The following RPL22 variants were observed in gnomAD, a reference collection of about 807,000 sequenced individuals.
RPL22 encodes large ribosomal subunit protein eL22.
RPL22 carries 4 observed loss-of-function variants against 16.2 expected under a neutral mutation model. The ratio of observed to expected loss-of-function variants is 0.25; its 90% CI spans 0.12 to 0.57. RPL22 has a LOEUF of 0.57. RPL22 is among the 20% of genes least tolerant of loss of function. The pLI is 0.92. For synonymous variants in RPL22, 43 were observed against 54.8 expected (o/e 0.78, Z 0.95); for missense variants, 83 against 156.1 (o/e 0.53, Z 2.49).
intron 3 of RPL22, among the ~76,000 whole-genome samples, chr1:6,189,556 C>CT (rs1161434750): frequency 7.5e-6 from 1 of 133,408 alleles, no homozygotes; most frequent in African/African-American, 3.0e-5. Flanking sequence ...AAGACCCTAT[C>CT]TAAAAAAAAG....
chr1:6,199,393 TACA>T, intron 1 of RPL22, 166 bp downstream of exon 1: 4 of 1,349,788 alleles, frequency 3.0e-6, no homozygotes, highest in Non-Finnish European at 3.8e-6. Flanking sequence ...CTCCTCCGCC[TACA>T]ACGTGCTGGG....
chr1:6,197,314 G>GCCACCGTGCCTGGCTTGTTTCTGGGTAAC (rs1667733094), intron 2 of RPL22, among the ~76,000 whole-genome samples: 1 of 152,188 alleles, frequency 6.6e-6, no homozygotes, highest in Non-Finnish European at 1.5e-5. Context: ...ACGGGCGTGA[G>GCCACCGTGCCTGGCTTGTTTCTGGGTAAC]CCACCGTGCC....
At chr1:6,193,653 G>A (rs1308991713) in intron 2 of RPL22, among the ~76,000 whole-genome samples, 8 of 150,450 alleles carry the variant, frequency 5.3e-5, no homozygotes, top group Non-Finnish European at 8.9e-5. Context: ...GTCTCTCTAT[G>A]TTGGCTAGAT....
rs773757515 is a variant in RPL22, at chr1:6,193,066, A to AT, written c.118-13dup. ...TGCAAAAACTGCTCCTGTAGAAATC[A>AT]TTAAATTGACCAATGAAGTGACAAG... On this transcript the variant is annotated splice_polypyrimidine_tract_variant and intron_variant, in intron 2 of 3. Coordinates refer to ENST00000234875, the MANE Select transcript of RPL22 (RefSeq NM_000983.4). 6.2e-7 allele frequency: 1 copy of AT among 1,613,796 alleles called. No homozygotes were observed. The highest frequency in any genetic ancestry group is 8.5e-7 in the Non-Finnish European group (1 of 1,179,954).
chr1:6,197,328 C>T (rs1209095852), intron 2 of RPL22, among the ~76,000 whole-genome samples: 2 of 152,216 alleles, frequency 1.3e-5, no homozygotes, highest in East Asian at 3.8e-4. Flanking sequence ...CCGTGCCTGG[C>T]TTGTTTCTGG....
intron 3 of RPL22, among the ~76,000 whole-genome samples, chr1:6,189,254 A>T (rs1456860248): frequency 6.6e-6 from 1 of 152,232 alleles, no homozygotes; most frequent in Admixed American, 6.5e-5. Context: ...CAATCGCCAC[A>T]AAGTGTGAAG....
At chr1:6,187,772 A>G (rs911535628) in intron 3 of RPL22, among the ~76,000 whole-genome samples, 1 of 152,252 alleles carries the variant, frequency 6.6e-6, no homozygotes, top group African/African-American at 2.4e-5. Flanking sequence ...CGCAACCTCA[A>G]TACCTTTTAT....
In RPL22 at chr1:6,199,458, G is replaced by C; in HGVS notation, c.12+104C>G. 3 of 1,489,574 alleles carry C rather than the reference G, an allele frequency of 2.0e-6. No individual in the cohort carries two copies. The South Asian group carries it at 3.9e-5, about 19-fold the overall frequency. 92.3% of individuals were successfully genotyped at this position (1,489,574 alleles called of 1,614,324 possible). On this transcript the variant is annotated intron_variant, in intron 1 of 3. Coordinates refer to ENST00000234875, the MANE Select transcript of RPL22 (RefSeq NM_000983.4). ...GCCGACCTGCCAGCCCACCCCAGCA[G>C]GACGCTGCAGGGCGCCGTCCCCAGC...
rs886738955 is a variant in RPL22 at position 6,185,584 on chromosome 1, A to G, written c.*1088T>C. On this transcript the variant is annotated 3_prime_UTR_variant, in exon 4 of 4. Coordinates refer to ENST00000234875, the MANE Select transcript of RPL22 (RefSeq NM_000983.4). ...CAAGTGTGGAAACCATCTGTAGGCA[A>G]GCTCTTTTAAAAACATGAATTTTAG... 1 of 390,044 alleles carries G rather than the reference A, an allele frequency of 2.6e-6. No individual in the cohort carries two copies. The highest frequency in any genetic ancestry group is 2.1e-5 in the African/African-American group (1 of 48,468). The allele number at this position is 390,044 out of a possible 1,614,324, so 24.2% of individuals were successfully genotyped here. A position where few individuals can be genotyped will look rare whatever the true frequency, so the allele number is the denominator to read the frequency against.
rs1187568827 is a variant in RPL22 at position 6,195,413 on chromosome 1, C to G, written c.117+2239G>C. Among the ~76,000 whole-genome samples the G allele has an allele frequency of 7.3e-5, 11 of 151,036 alleles. 1 individual carries two copies. The highest frequency in any genetic ancestry group is 7.3e-4 in the Admixed American group (11 of 15,150). The stretch of plus-strand genomic sequence containing the variant: ...TGAGCCGAGATCACACCACTGCACT[C>G]CAGCCTGGGTGACAAAGAGCAAGAC... On this transcript the variant is annotated intron_variant, in intron 2 of 3. Coordinates refer to ENST00000234875, the MANE Select transcript of RPL22 (RefSeq NM_000983.4).
At chr1:6,188,057 CTCTTTTAT>C (rs1667604396) in intron 3 of RPL22, among the ~76,000 whole-genome samples, 1 of 152,134 alleles carries the variant, frequency 6.6e-6, no homozygotes, top group Non-Finnish European at 1.5e-5. Context: ...CATTTAAAAA[CTCTTTTAT>C]TTATTTTTTT....
At chr1:6,197,083 G>A (rs1667729923) in intron 2 of RPL22, among the ~76,000 whole-genome samples, 1 of 152,240 alleles carries the variant, frequency 6.6e-6, no homozygotes, top group Non-Finnish European at 1.5e-5. Context: ...AGGATGGAGT[G>A]CAATGGTGCG....
chr1:6,194,956 G>A (rs916221934), intron 2 of RPL22, among the ~76,000 whole-genome samples: 5 of 152,136 alleles, frequency 3.3e-5, no homozygotes, highest in Admixed American at 1.3e-4. Context: ...GGCTAACATG[G>A]TGAAACCCTG....
At chr1:6,193,671 A>C (rs993662834) in intron 2 of RPL22, among the ~76,000 whole-genome samples, 8 of 147,960 alleles carry the variant, frequency 5.4e-5, no homozygotes, top group South Asian at 2.2e-4. Context: ...GATTGGTCTC[A>C]AATTCCTGGG....
In RPL22 at chr1:6,185,991, G is replaced by A. The variant is rs1328909858; in HGVS notation, c.*681C>T. 8.7e-6 allele frequency: 2 copies of A among 230,460 alleles called. No homozygotes were observed. Among genetic ancestry groups the A allele is most frequent in the Non-Finnish European group, 1.7e-5 (2 of 116,320 alleles). 14.3% of individuals were successfully genotyped at this position (230,460 alleles called of 1,614,324 possible). On this transcript the variant is annotated 3_prime_UTR_variant, in exon 4 of 4. Coordinates refer to ENST00000234875, the MANE Select transcript of RPL22 (RefSeq NM_000983.4). ...TCCTACAGCTCCCTCTGCTGGAGAC[G>A]AAAGTGACAGTTTGTTGCAAAGACC...
intron 3 of RPL22, among the ~76,000 whole-genome samples, chr1:6,188,235 A>G (rs187155122): frequency 6.6e-4 from 101 of 152,202 alleles, no homozygotes; most frequent in African/African-American, 2.3e-3. Context: ...GTTTTGCCAT[A>G]TTGGCCAGTC....
At chr1:6,193,820 T>G (rs976594481) in intron 2 of RPL22, among the ~76,000 whole-genome samples, 1 of 152,170 alleles carries the variant, frequency 6.6e-6, no homozygotes, top group Non-Finnish European at 1.5e-5. Context: ...ATACATACTA[T>G]GAGACAACAT....
At chr1:6,190,560 A>G (rs1038574101) in intron 3 of RPL22, among the ~76,000 whole-genome samples, 3 of 152,170 alleles carry the variant, frequency 2.0e-5, no homozygotes, top group African/African-American at 7.2e-5. Context: ...TTGTATTTTT[A>G]GTAGAAACGG....
chr1:6,193,760 G>A (rs1667682741), intron 2 of RPL22, among the ~76,000 whole-genome samples: 1 of 152,128 alleles, frequency 6.6e-6, no homozygotes, highest in African/African-American at 2.4e-5. Flanking sequence ...CCTAATATCG[G>A]TTTCTTAAAT....
Sources: gnomAD v4.1 joint callset for allele counts (sites outside exome capture counted in the v4.1 genomes callset) on GRCh38, gnomAD v4.1.1 for gene constraint, MANE v1.5 for transcripts, NCBI Gene and HGNC (gene_info 2026-07-23, HGNC 2026-07-21) for gene names.